APBB1IP: variants seen among roughly 807,000 people sequenced by gnomAD.
APBB1IP encodes amyloid beta precursor protein binding family B member 1 interacting protein, also known as amyloid beta A4 precursor protein-binding family B member 1-interacting protein.
APBB1IP carries 27 observed loss-of-function variants against 64.9 expected under a neutral mutation model. The ratio of observed to expected loss-of-function variants is 0.42; its 90% CI spans 0.31 to 0.57. The LOEUF is 0.57. Ranked by LOEUF, APBB1IP falls within the 20% of genes least tolerant of loss-of-function variation. The pLI, the probability that APBB1IP is intolerant of heterozygous loss-of-function variation, is 0.20. For missense variants in APBB1IP, 812 were observed against 845.5 expected, an observed-to-expected ratio of 0.96 and a Z score of 0.49; for synonymous variants, 392 against 331.0, an observed-to-expected ratio of 1.18 and a Z score of -2.00.
intron 2 of APBB1IP, among the ~76,000 whole-genome samples, chr10:26,484,244 G>A (rs1835866673): frequency 6.6e-6 from 1 of 152,064 alleles, no homozygotes; most frequent in South Asian, 2.1e-4. Context: ...CACAAGAAGA[G>A]AAAAATCTTA....
intron 8 of APBB1IP, among the ~76,000 whole-genome samples, chr10:26,520,085 G>A (rs907242145): frequency 6.6e-6 from 1 of 152,228 alleles, no homozygotes; most frequent in Non-Finnish European, 1.5e-5. Flanking sequence ...GACAAGGCAA[G>A]GGAATTGCTT....
At position 26,513,548 on chromosome 10, in the gene APBB1IP, T is replaced by A; in HGVS notation, c.701T>A (p.Phe234Tyr). 1.2e-6 allele frequency: 2 copies of A among 1,612,096 alleles called. No homozygotes were observed. Among genetic ancestry groups the A allele is most frequent in the Non-Finnish European group, 8.5e-7 (1 of 1,179,616 alleles). ...TTTCTTATTTCATCAGAGAGGTTTT[T>A]TGAAGACCATGAAAATGTTGTTGAA... Reference protein sequence around the residue: ...IYPELQIERFFEDHENVVEVL... With the variant: ...IYPELQIERFYEDHENVVEVL... The change falls in exon 8 of 15, where the codon TTT becomes TAT. Residue 234 changes from phenylalanine to tyrosine, a missense_variant. By Grantham distance (22) the Phe-to-Tyr change is conservative (BLOSUM62 3). This residue lies in a region of APBB1IP where 394 missense variants were observed against 413.1 expected (regional missense o/e 0.95). Coordinates refer to ENST00000376236, the MANE Select transcript of APBB1IP (RefSeq NM_019043.4).
chr10:26,561,567 A>G (rs1836973459), intron 13 of APBB1IP, among the ~76,000 whole-genome samples: 1 of 152,034 alleles, frequency 6.6e-6, no homozygotes, highest in African/African-American at 2.4e-5. Context: ...CAAAGTACAA[A>G]CATTATATCA....
intron 2 of APBB1IP, among the ~76,000 whole-genome samples, chr10:26,475,761 AT>A (rs202160502): frequency 2.6e-5 from 4 of 151,940 alleles, no homozygotes; most frequent in East Asian, 1.9e-4. Context: ...GAGAGATAAT[AT>A]TTTTTTTCCT....
intron 3 of APBB1IP, among the ~76,000 whole-genome samples, chr10:26,496,005 T>A (rs1471737974): frequency 6.9e-6 from 1 of 144,996 alleles, no homozygotes; most frequent in Non-Finnish European, 1.5e-5. Flanking sequence ...ATATATATAG[T>A]GTGTGTGTTC....
intron 2 of APBB1IP, among the ~76,000 whole-genome samples, chr10:26,479,490 C>A (rs1229461304): frequency 6.6e-6 from 1 of 151,908 alleles, no homozygotes; most frequent in Admixed American, 6.6e-5. Context: ...GATCACTGAA[C>A]CCAAAAGGAC....
chr10:26,523,513 A>G (rs949534970), intron 8 of APBB1IP, among the ~76,000 whole-genome samples: 4 of 152,176 alleles, frequency 2.6e-5, no homozygotes, highest in Admixed American at 2.6e-4. Context: ...CCTTTCTAAC[A>G]TGCAAAAAGG....
intron 2 of APBB1IP, among the ~76,000 whole-genome samples, chr10:26,452,033 G>C (rs2132399257): frequency 6.6e-6 from 1 of 152,248 alleles, no homozygotes. Flanking sequence ...GTATATGGTG[G>C]CATAGATGAA....
chr10:26,506,250 T>TGTGGG (rs1311793998), intron 6 of APBB1IP, among the ~76,000 whole-genome samples: 10 of 62,428 alleles, frequency 1.6e-4, no homozygotes, highest in African/African-American at 6.9e-4. Flanking sequence ...CGTGTGTGTG[T>TGTGGG]GGGGGGGGGG....
At chr10:26,565,135 T>C (rs1837024334) in intron 14 of APBB1IP, among the ~76,000 whole-genome samples, 1 of 152,236 alleles carries the variant, frequency 6.6e-6, no homozygotes. Context: ...CTCTTCCCTT[T>C]CCATCTCCTT....
intron 2 of APBB1IP, among the ~76,000 whole-genome samples, chr10:26,486,470 CT>C (rs756071240): frequency 6.6e-6 from 1 of 152,036 alleles, no homozygotes; most frequent in Non-Finnish European, 1.5e-5. Context: ...GACTAATGGC[CT>C]TTTACCAAGT....
intron 8 of APBB1IP, among the ~76,000 whole-genome samples, chr10:26,532,349 G>A (rs762707360): frequency 6.6e-6 from 1 of 152,206 alleles, no homozygotes; most frequent in South Asian, 2.1e-4. Context: ...GAGTGCTCGT[G>A]ATTTTTTGGA....
intron 8 of APBB1IP, among the ~76,000 whole-genome samples, chr10:26,517,097 G>A (rs949735211): frequency 3.3e-5 from 5 of 152,160 alleles, no homozygotes; most frequent in South Asian, 4.1e-4. Flanking sequence ...TTCTGGAACC[G>A]CAGTTTCTCC....
At position 26,567,179 on chromosome 10, in the gene APBB1IP, T is replaced by A. The variant is rs1156652551; in HGVS notation, c.1692T>A (p.Asp564Glu). The change falls in exon 15 of 15, where the codon GAT (aspartate) becomes GAA (glutamate). Residue 564 changes from aspartate to glutamate, a missense_variant. By Grantham distance (45) the Asp-to-Glu change is conservative. This residue lies in a region of APBB1IP where 381 missense variants were observed against 352.1 expected (regional missense o/e 1.08). Transcript: ENST00000376236. ...CGCCGCCACCGCCGCCGCCCCTCGATGACCCTGAGCTCCCGCCGCCGCCCC... is the reference window on the plus strand; with the variant it reads ...CGCCGCCACCGCCGCCGCCCCTCGAAGACCCTGAGCTCCCGCCGCCGCCCC... Reference protein sequence around the residue: ...LPPPPPPPPLDDPELPPPPPD... With the variant: ...LPPPPPPPPLEDPELPPPPPD... 4 of 1,414,308 alleles carry A rather than the reference T, an allele frequency of 2.8e-6. No individual in the cohort carries two copies. The highest frequency in any genetic ancestry group is 1.8e-6 in the Non-Finnish European group (2 of 1,090,376). The allele number at this position is 1,414,308 out of a possible 1,614,324, so 87.6% of individuals were successfully genotyped here. A position where few individuals can be genotyped will look rare whatever the true frequency, so the allele number is the denominator to read the frequency against.
intron 2 of APBB1IP, among the ~76,000 whole-genome samples, chr10:26,470,483 G>A (rs1835703522): frequency 6.6e-6 from 1 of 152,196 alleles, no homozygotes; most frequent in Non-Finnish European, 1.5e-5. Flanking sequence ...AGGTTGCAGT[G>A]AGCCAAGATC....
intron 2 of APBB1IP, among the ~76,000 whole-genome samples, chr10:26,479,640 A>G (rs1022065665): frequency 1.3e-5 from 2 of 152,234 alleles, no homozygotes; most frequent in African/African-American, 4.8e-5. Flanking sequence ...TATATATCTA[A>G]AAAGCAACAT....
intron 2 of APBB1IP, among the ~76,000 whole-genome samples, chr10:26,457,410 G>A (rs1203052313): frequency 6.6e-6 from 1 of 152,170 alleles, no homozygotes; most frequent in Non-Finnish European, 1.5e-5. Context: ...AAAGTGCCAG[G>A]ATTACAGGTA....
At chr10:26,457,357 C>T (rs768303669) in intron 2 of APBB1IP, among the ~76,000 whole-genome samples, 2 of 152,170 alleles carry the variant, frequency 1.3e-5, no homozygotes, top group Non-Finnish European at 2.9e-5. Context: ...CCAGGCTGGT[C>T]TTGAACTCTT....
intron 8 of APBB1IP, among the ~76,000 whole-genome samples, chr10:26,529,033 C>T (rs575038730): frequency 7.2e-5 from 11 of 152,286 alleles, no homozygotes; most frequent in African/African-American, 2.6e-4. Context: ...ACTCTTTATT[C>T]CAAGAAGATT....
Sources: allele counts gnomAD v4.1 joint callset (sites outside exome capture counted in the v4.1 genomes callset), GRCh38; gene constraint gnomAD v4.1.1; regional missense constraint gnomAD v4.1.1; transcripts MANE v1.5; gene names NCBI Gene and HGNC (gene_info 2026-07-23, HGNC 2026-07-21).